MIER1: variants seen among roughly 807,000 people sequenced by gnomAD.
MIER1 encodes the protein MIER1 transcriptional regulator, also known as mesoderm induction early response protein 1.
Under a neutral mutation model 75.7 loss-of-function variants are expected in MIER1, and 40 were observed. The ratio of observed to expected loss-of-function variants is 0.53; its 90% CI spans 0.41 to 0.69. The LOEUF is 0.69. MIER1 is among the 30% of genes least tolerant of loss of function. The pLI, the probability that MIER1 is intolerant of heterozygous loss-of-function variation, is 0.00. For synonymous variants in MIER1, 213 were observed against 223.4 expected (o/e 0.95, Z 0.42); for missense variants, 574 against 680.2 (o/e 0.84, Z 1.74).
chr1:66,945,005 A>G (rs918420687), intron 3 of MIER1, among the ~76,000 whole-genome samples: 1 of 152,076 alleles, frequency 6.6e-6, no homozygotes, highest in African/African-American at 2.4e-5. Flanking sequence ...GTATTAAAGC[A>G]TGAGCAACTA....
chr1:66,928,915 T>C (rs1240806948), intron 2 of MIER1: 1 of 1,608,952 alleles, frequency 6.2e-7, no homozygotes, highest in South Asian at 1.1e-5. Flanking sequence ...TGTTTATGTT[T>C]AATTGGTTTA....
chr1:66,938,265 T>C (rs1655386641), intron 2 of MIER1, among the ~76,000 whole-genome samples: 1 of 152,242 alleles, frequency 6.6e-6, no homozygotes, highest in Non-Finnish European at 1.5e-5. Context: ...AAAATCTCTA[T>C]TGTTAATATC....
At chr1:66,975,978 C>T (rs1444715943) in intron 11 of MIER1, among the ~76,000 whole-genome samples, 1 of 146,382 alleles carries the variant, frequency 6.8e-6, no homozygotes, top group Non-Finnish European at 1.5e-5. Flanking sequence ...ATGCCACTTC[C>T]AGGCCTTTTT....
chr1:66,937,417 T>C (rs1410283126), intron 2 of MIER1, among the ~76,000 whole-genome samples: 1 of 152,070 alleles, frequency 6.6e-6, no homozygotes. Context: ...TGAAACCGTC[T>C]CTATTAAAAA....
chr1:66,928,808 C>A, intron 2 of MIER1: 2 of 815,462 alleles, frequency 2.5e-6, no homozygotes, highest in Non-Finnish European at 4.0e-6. Flanking sequence ...CTGTACAGTA[C>A]AGTTAATGGT....
At chr1:66,949,425 G>A (rs544407255) in intron 4 of MIER1, among the ~76,000 whole-genome samples, 1 of 152,170 alleles carries the variant, frequency 6.6e-6, no homozygotes, top group South Asian at 2.1e-4. Flanking sequence ...TTGCTTTCAA[G>A]TGACCCTGCC....
At chr1:66,960,539 C>T (rs939164184) in intron 7 of MIER1, among the ~76,000 whole-genome samples, 7 of 151,982 alleles carry the variant, frequency 4.6e-5, no homozygotes, top group Admixed American at 2.6e-4. Context: ...TAGCTGGTTG[C>T]AGTGATGTTT....
chr1:66,958,011 C>T, intron 4 of MIER1, 48 bp from the exon 5 acceptor site: 13 of 1,218,774 alleles, frequency 1.1e-5, no homozygotes, highest in Non-Finnish European at 1.5e-5. Context: ...GCCTGGGAAT[C>T]AGAAATATCA....
intron 2 of MIER1, chr1:66,930,456 C>A: frequency 6.3e-7 from 1 of 1,582,214 alleles, no homozygotes; most frequent in Non-Finnish European, 8.6e-7. Context: ...CGGCCCTGGG[C>A]CGGGGAGGAG....
At chr1:66,948,029 C>A (rs964093311) in intron 4 of MIER1, 39 of 979,358 alleles carry the variant, frequency 4.0e-5, no homozygotes, top group Non-Finnish European at 4.5e-5. Flanking sequence ...AACCACTGTC[C>A]CCTATTCAAT....
chr1:66,953,687 C>T (rs1659498430), intron 4 of MIER1, among the ~76,000 whole-genome samples: 1 of 151,412 alleles, frequency 6.6e-6, no homozygotes, highest in Admixed American at 6.6e-5. Flanking sequence ...CACTGCAGCC[C>T]CTGCCTCCTG....
At chr1:66,968,894 A>G (rs763101209) in intron 8 of MIER1, among the ~76,000 whole-genome samples, 2 of 152,204 alleles carry the variant, frequency 1.3e-5, no homozygotes, top group Non-Finnish European at 2.9e-5. Context: ...TTGGTGCCTA[A>G]GTGAATAGGT....
chr1:66,978,515 A>T (rs1415189460), intron 12 of MIER1, among the ~76,000 whole-genome samples: 1 of 152,140 alleles, frequency 6.6e-6, no homozygotes, highest in Non-Finnish European at 1.5e-5. Flanking sequence ...ATTTATAGTT[A>T]ATTTTTTTTC....
chr1:66,976,594 G>A lies in MIER1; in HGVS notation c.1102-1G>A. ...TAAAAGCAAGCATTTGTTTCTTACA[G>A]GTCCGAACAAGGTCAGTTGGTGAAT... On this transcript the variant is annotated splice_acceptor_variant, in intron 11 of 13. Transcript: ENST00000401041. LOFTEE classifies it high-confidence loss of function. 6.4e-7 allele frequency: 1 copy of A among 1,573,948 alleles called. No individual in the cohort carries two copies. The highest frequency in any genetic ancestry group is 8.6e-7 in the Non-Finnish European group (1 of 1,162,200).
At chr1:66,930,304 G>A in intron 2 of MIER1, 2 of 1,572,312 alleles carry the variant, frequency 1.3e-6, no homozygotes, top group Non-Finnish European at 1.7e-6. Context: ...GGCAGCGGCC[G>A]GAGTCCCGTT....
At chr1:66,972,794 C>A in intron 10 of MIER1, 103 bp from the exon 11 acceptor site, 1 of 621,416 alleles carries the variant, frequency 1.6e-6, no homozygotes, top group Non-Finnish European at 2.9e-6. Flanking sequence ...GAGTAAAATG[C>A]TTCCCTCATT....
chr1:66,962,050 T>C (rs1661351605), intron 7 of MIER1, among the ~76,000 whole-genome samples: 1 of 152,342 alleles, frequency 6.6e-6, no homozygotes, highest in African/African-American at 2.4e-5. Flanking sequence ...TTTTGTACCT[T>C]TCATGCCCAA....
intron 3 of MIER1, among the ~76,000 whole-genome samples, chr1:66,945,458 G>C (rs2101470234): frequency 6.6e-6 from 1 of 152,112 alleles, no homozygotes; most frequent in East Asian, 1.9e-4. Flanking sequence ...TCAATCTGCT[G>C]TTGGTTGAAT....
At chr1:66,970,684 A>G in intron 8 of MIER1, 124 bp from the exon 9 acceptor site, 1 of 611,380 alleles carries the variant, frequency 1.6e-6, no homozygotes, top group Non-Finnish European at 2.6e-6. Context: ...TCAGGCAAGT[A>G]GTAGAACCAC....
Sources: gnomAD v4.1 joint callset for allele counts (sites outside exome capture counted in the v4.1 genomes callset) on GRCh38, gnomAD v4.1.1 for gene constraint, MANE v1.5 for transcripts, NCBI Gene and HGNC (gene_info 2026-07-23, HGNC 2026-07-21) for gene names.